Variants in FREY1 observed in about 807,000 individuals in gnomAD.
The protein encoded by FREY1 is Frey regulator of sperm-oocyte fusion 1.
chr11:45,906,933 C>A, the FREY1 span: 1 of 1,613,798 alleles, frequency 6.2e-7, no homozygotes, highest in Non-Finnish European at 8.5e-7. Flanking sequence ...CAGGAACAGA[C>A]CGCTGAGACC....
the FREY1 span, chr11:45,906,625 G>A: frequency 3.8e-6 from 6 of 1,593,858 alleles, no homozygotes; most frequent in African/African-American, 8.1e-5. Flanking sequence ...CGCTTGCGCT[G>A]CTGGGCCCTA....
chr11:45,906,898 A>C, the FREY1 span: 200 of 1,613,866 alleles, frequency 1.2e-4, no homozygotes, highest in African/African-American at 2.2e-3. Context: ...TGGCTGCGAG[A>C]GTTCCAGGGG....
the FREY1 span, chr11:45,906,611 G>A: frequency 1.8e-5 from 29 of 1,585,040 alleles, no homozygotes; most frequent in South Asian, 6.8e-5. Flanking sequence ...GGTCGGGCCC[G>A]TCCCGCTTGC....
the FREY1 span, chr11:45,907,266 C>T: frequency 1.3e-6 from 2 of 1,516,082 alleles, no homozygotes; most frequent in Non-Finnish European, 1.8e-6. Flanking sequence ...GGTCCTGGCT[C>T]CTGTCGTCCC....
chr11:45,906,833 G>GGGAT, the FREY1 span: 1 of 1,612,672 alleles, frequency 6.2e-7, no homozygotes, highest in Non-Finnish European at 8.5e-7. Context: ...TCCACTGTCA[G>GGGAT]GGATGGGTAG....
At chr11:45,907,211 C>T in the FREY1 span, 55 of 1,555,306 alleles carry the variant, frequency 3.5e-5, no homozygotes, top group Middle Eastern at 1.7e-4. Flanking sequence ...GAGCCCAGCC[C>T]GGGGGTGCAG....
the FREY1 span, chr11:45,906,953 T>C: frequency 6.2e-7 from 1 of 1,613,392 alleles, no homozygotes; most frequent in Admixed American, 1.7e-5. Flanking sequence ...CTGTGGGAGA[T>C]GTCGGGGTGC....
At chr11:45,906,919 G>A in the FREY1 span, 1 of 1,613,864 alleles carries the variant, frequency 6.2e-7, no homozygotes, top group Admixed American at 1.7e-5. Flanking sequence ...GGCGGAAAAT[G>A]CCTCAGGAAC....
chr11:45,907,023 G>T, the FREY1 span: 1 of 1,565,820 alleles, frequency 6.4e-7, no homozygotes. Flanking sequence ...GGCTCAGTGT[G>T]GGGGCACTTG....
At chr11:45,906,551 C>A in the FREY1 span, 2 of 1,518,146 alleles carry the variant, frequency 1.3e-6, no homozygotes, top group South Asian at 2.6e-5. Context: ...CACATGGTAT[C>A]TTTATGAGGG....
the FREY1 span, chr11:45,907,041 C>T: frequency 3.2e-6 from 5 of 1,550,762 alleles, no homozygotes; most frequent in Non-Finnish European, 4.4e-6. Context: ...TTGGCAAGCC[C>T]TCGAACGCCC....
the FREY1 span, chr11:45,906,729 C>A: frequency 6.3e-7 from 1 of 1,575,748 alleles, no homozygotes; most frequent in Admixed American, 1.8e-5. Context: ...TAGGGGGCAG[C>A]TGGCTCTGAT....
At chr11:45,907,075 C>A in the FREY1 span, 1 of 1,533,436 alleles carries the variant, frequency 6.5e-7, no homozygotes, top group Non-Finnish European at 8.9e-7. Flanking sequence ...CAGCCCCACT[C>A]CAGAGAGGGG....
At chr11:45,907,013 GGCTC>G in the FREY1 span, 9 of 1,578,696 alleles carry the variant, frequency 5.7e-6, no homozygotes, top group Non-Finnish European at 7.8e-6. Context: ...ATGGGGGGAT[GGCTC>G]AGTGTGGGGG....
the FREY1 span, chr11:45,907,163 A>G: frequency 6.4e-7 from 1 of 1,557,372 alleles, no homozygotes; most frequent in Non-Finnish European, 8.7e-7. Flanking sequence ...CTGGGAGCGA[A>G]GCAGTGCCAC....
the FREY1 span, chr11:45,907,253 A>G: frequency 6.5e-7 from 1 of 1,539,520 alleles, no homozygotes; most frequent in South Asian, 1.2e-5. Flanking sequence ...CATCTCCTAC[A>G]CGGGTCCTGG....
chr11:45,906,837 T>C, the FREY1 span: 5 of 1,612,238 alleles, frequency 3.1e-6, no homozygotes, highest in Admixed American at 8.3e-5. Flanking sequence ...CTGTCAGGGA[T>C]GGGTAGGGGA....
the FREY1 span, chr11:45,907,077 AG>A: frequency 1.9e-5 from 29 of 1,510,244 alleles, no homozygotes; most frequent in East Asian, 5.9e-4. Context: ...GCCCCACTCC[AG>A]AGAGGGGAGG....
the FREY1 span, chr11:45,906,648 C>A: frequency 1.3e-6 from 2 of 1,594,712 alleles, no homozygotes; most frequent in Non-Finnish European, 1.7e-6. Flanking sequence ...CAGGAGGGGT[C>A]GAGGCCCTCG....
Sources: allele counts gnomAD v4.1 joint callset, GRCh38; gene constraint gnomAD v4.1.1; transcripts MANE v1.5; gene names NCBI Gene and HGNC (gene_info 2026-07-23, HGNC 2026-07-21).